VPS13B: variants seen among roughly 807,000 people sequenced by gnomAD.
The protein encoded by VPS13B is vacuolar protein sorting 13 homolog B, also known as intermembrane lipid transfer protein VPS13B.
Under a neutral mutation model 426.4 loss-of-function variants are expected in VPS13B, and 285 were observed. That is an observed-to-expected ratio of 0.67 (90% CI 0.61 to 0.74). The LOEUF (loss-of-function observed/expected upper bound fraction) is 0.74. VPS13B is among the 30% of genes least tolerant of loss of function. The pLI, the probability that VPS13B is intolerant of heterozygous loss-of-function variation, is 0.00. For missense variants in VPS13B, 4,537 were observed against 4,782.6 expected (o/e 0.95, Z 1.51); for synonymous variants, 1,676 against 1,676.4 (o/e 1.00, Z 0.01).
intron 19 of VPS13B, among the ~76,000 whole-genome samples, chr8:99,345,424 CATT>C (rs921752174): frequency 1.3e-4 from 20 of 152,250 alleles, no homozygotes; most frequent in South Asian, 4.1e-4. Flanking sequence ...TGAATTCTGT[CATT>C]GTAGTGCAAC....
At chr8:99,366,454 C>T (rs1812894909) in intron 19 of VPS13B, among the ~76,000 whole-genome samples, 1 of 151,028 alleles carries the variant, frequency 6.6e-6, no homozygotes, top group Non-Finnish European at 1.5e-5. Flanking sequence ...TCCACCCCTT[C>T]ATTTTGTATT....
intron 33 of VPS13B, among the ~76,000 whole-genome samples, chr8:99,580,790 T>C (rs949406085): frequency 6.6e-6 from 1 of 151,862 alleles, no homozygotes; most frequent in Non-Finnish European, 1.5e-5. Flanking sequence ...AGGTCAAGGC[T>C]GAAGTGAGGT....
intron 58 of VPS13B, among the ~76,000 whole-genome samples, chr8:99,865,280 G>A (rs992793314): frequency 2.0e-5 from 3 of 152,188 alleles, no homozygotes; most frequent in Non-Finnish European, 2.9e-5. Context: ...GTGCAGCTCC[G>A]CATCACAGCT....
chr8:99,464,754 C>A (rs1588408258), intron 23 of VPS13B, among the ~76,000 whole-genome samples: 1 of 152,256 alleles, frequency 6.6e-6, no homozygotes, highest in African/African-American at 2.4e-5. Flanking sequence ...CATAGTCTCA[C>A]TGGTTGTTCT....
chr8:99,431,905 A>C (rs1453664738), intron 22 of VPS13B, among the ~76,000 whole-genome samples: 1 of 152,090 alleles, frequency 6.6e-6, no homozygotes, highest in African/African-American at 2.4e-5. Flanking sequence ...TTGACTTAAA[A>C]AATTTTAGTT....
intron 24 of VPS13B, among the ~76,000 whole-genome samples, chr8:99,468,173 T>A (rs911593345): frequency 1.3e-5 from 2 of 151,934 alleles, no homozygotes; most frequent in Non-Finnish European, 2.9e-5. Context: ...CAGGCCTGAG[T>A]GTGTGATGTT....
chr8:99,054,162 C>G (rs190514702), intron 3 of VPS13B, among the ~76,000 whole-genome samples: 65 of 152,166 alleles, frequency 4.3e-4, no homozygotes, highest in African/African-American at 1.3e-3. Context: ...TCTTTGAGAC[C>G]CTGCTTTCAG....
chr8:99,189,185 G>A (rs535421680), intron 16 of VPS13B, among the ~76,000 whole-genome samples: 3 of 152,158 alleles, frequency 2.0e-5, no homozygotes, highest in East Asian at 3.9e-4. Flanking sequence ...TCCTGACCTC[G>A]TGATCCACCT....
rs566743769 is a variant in VPS13B, at chr8:99,390,164, C to G, written c.2935-1393C>G. Among the ~76,000 whole-genome samples the G allele has an allele frequency of 5.5e-4, 82 of 150,170 alleles. 3 individuals are homozygous for G. The highest frequency in any genetic ancestry group is 5.1e-3 in the Admixed American group (77 of 15,050). On this transcript the variant is annotated intron_variant, in intron 20 of 61. Transcript: ENST00000357162. ...CCAGGCTGTAGTGCAGTGGCATGAT[C>G]TCGGCTCACTGCAAGCTCTGCCTCC...
intron 55 of VPS13B, among the ~76,000 whole-genome samples, chr8:99,850,219 A>G (rs989130453): frequency 1.5e-5 from 2 of 135,224 alleles, no homozygotes; most frequent in Admixed American, 1.5e-4. Flanking sequence ...GTACTTATAC[A>G]TACCTACATA....
intron 34 of VPS13B, among the ~76,000 whole-genome samples, chr8:99,648,877 G>A (rs1829695941): frequency 6.6e-6 from 1 of 151,264 alleles, no homozygotes; most frequent in Non-Finnish European, 1.5e-5. Context: ...TCAGCATTAG[G>A]AACCTCCTTT....
At chr8:99,451,156 A>G (rs1226097845) in intron 23 of VPS13B, among the ~76,000 whole-genome samples, 1 of 152,186 alleles carries the variant, frequency 6.6e-6, no homozygotes, top group African/African-American at 2.4e-5. Flanking sequence ...TTGAAACATA[A>G]TCTACAACTT....
chr8:99,741,588 A>G (rs1809727179), intron 39 of VPS13B, among the ~76,000 whole-genome samples: 1 of 152,224 alleles, frequency 6.6e-6, no homozygotes, highest in Non-Finnish European at 1.5e-5. Flanking sequence ...AGCACCCCTC[A>G]GCAAATGGAA....
chr8:99,028,139 G>A (rs1164843930), intron 2 of VPS13B, among the ~76,000 whole-genome samples: 1 of 152,104 alleles, frequency 6.6e-6, no homozygotes, highest in African/African-American at 2.4e-5. Flanking sequence ...GCAACCATCC[G>A]ATTTCTCAAT....
intron 17 of VPS13B, among the ~76,000 whole-genome samples, chr8:99,212,840 G>A (rs1471842869): frequency 6.6e-6 from 1 of 152,006 alleles, no homozygotes; most frequent in African/African-American, 2.4e-5. Flanking sequence ...TCTCCCCTTT[G>A]CCTTCACATC....
Position 99,817,673 on chromosome 8 carries a change from A to G in VPS13B, c.8231A>G (p.Gln2744Arg). Residue 2744 changes from glutamine to arginine, a missense_variant, in exon 45 of 62, where the codon CAG becomes CGG. Around this residue, in one of 2 missense-constraint regions of VPS13B, gnomAD observed 4,311 missense variants for 4,474.3 expected, o/e 0.96. Transcript: ENST00000357162. ...CATTTTGACTGCCTCACAGCCAAAC[A>G]GAAATTGCCTTCGTACATACTAGAA... is the stretch of plus-strand genomic sequence containing the variant. ...REHFDCLTAK[Q>R]KLPSYILENN... The G allele has an allele frequency of 5.0e-6, 8 of 1,614,116 alleles. No homozygotes were observed. Among genetic ancestry groups the G allele is most frequent in the Non-Finnish European group, 6.8e-6 (8 of 1,180,000 alleles).
At chr8:99,217,040 C>CA (rs1249690093) in intron 17 of VPS13B, among the ~76,000 whole-genome samples, 9 of 151,836 alleles carry the variant, frequency 5.9e-5, no homozygotes, top group African/African-American at 1.9e-4. Context: ...TAGTTTGGGG[C>CA]AAAAAATGTT....
chr8:99,089,633 GATAAGGGATTGTGGAGA>G (rs1403976086), intron 3 of VPS13B, among the ~76,000 whole-genome samples: 2 of 152,142 alleles, frequency 1.3e-5, no homozygotes, highest in African/African-American at 2.4e-5. Flanking sequence ...TCTGAGTTCA[GATAAGGGATTGTGGAGA>G]ACAAAGTTCT....
At chr8:99,600,938 G>T (rs1278975101) in intron 33 of VPS13B, among the ~76,000 whole-genome samples, 3 of 151,842 alleles carry the variant, frequency 2.0e-5, no homozygotes, top group Non-Finnish European at 4.4e-5. Context: ...ATGTTAGACT[G>T]GACTATTGTC....
Sources: allele counts gnomAD v4.1 joint callset (sites outside exome capture counted in the v4.1 genomes callset), GRCh38; gene constraint gnomAD v4.1.1; regional missense constraint gnomAD v4.1.1; transcripts MANE v1.5; gene names NCBI Gene and HGNC (gene_info 2026-07-23, HGNC 2026-07-21).